Variants in ORC2 observed in about 807,000 individuals in gnomAD.
ORC2 encodes the protein origin recognition complex protein 2 homolog.
Under a neutral mutation model 77.7 loss-of-function variants are expected in ORC2, and 37 were observed. The observed-to-expected ratio is 0.48, with a 90% CI of 0.37 to 0.63. The LOEUF is 0.63. ORC2 is among the 20% of genes least tolerant of loss of function. The pLI is 0.00. For synonymous variants in ORC2, 201 were observed against 229.5 expected (o/e 0.88, Z 1.12); for missense variants, 557 against 661.9 (o/e 0.84, Z 1.74).
intron 11 of ORC2, among the ~76,000 whole-genome samples, chr2:200,929,248 G>T (rs1047381086): frequency 6.6e-6 from 1 of 152,186 alleles, no homozygotes; most frequent in Non-Finnish European, 1.5e-5. Flanking sequence ...ACCGTGCCCA[G>T]CCAAGAATGA....
At chr2:200,926,709 TG>T in intron 12 of ORC2, 58 bp downstream of exon 12, 2 of 1,555,856 alleles carry the variant, frequency 1.3e-6, no homozygotes, top group Non-Finnish European at 8.8e-7. Context: ...CTCATTTATG[TG>T]GGGGCTTGAA....
In ORC2 at chr2:200,931,434, G is replaced by A. The variant is rs2040937579; in HGVS notation, c.822C>T (p.Asn274=). The A allele has an allele frequency of 1.9e-6, 3 of 1,551,412 alleles. No individual in the cohort carries two copies. Among genetic ancestry groups the A allele is most frequent in the Admixed American group, 2.1e-5 (1 of 48,116 alleles). ...RAKLDQQTLR[N]LLSKVSPSFS... ...AGGAAGGGGAAACCTTGCTCAATAA[G>A]TTACGCAAAGTTTGCTTTAAAAAAA... Residue 274 remains asparagine, a synonymous_variant, in exon 11 of 18, where the codon AAC becomes AAT. Transcript: ENST00000234296.
intron 5 of ORC2, among the ~76,000 whole-genome samples, chr2:200,947,615 T>C (rs1186134688): frequency 6.6e-6 from 1 of 152,256 alleles, no homozygotes; most frequent in African/African-American, 2.4e-5. Flanking sequence ...TTCCAAACTT[T>C]GTATTTATAT....
At chr2:200,937,381 TGAAAA>T (rs1163012740) in intron 8 of ORC2, among the ~76,000 whole-genome samples, 2 of 152,138 alleles carry the variant, frequency 1.3e-5, no homozygotes, top group Non-Finnish European at 2.9e-5. Context: ...ATCCATACCT[TGAAAA>T]GAAAGGGCTA....
intron 1 of ORC2, among the ~76,000 whole-genome samples, chr2:200,959,921 G>C (rs1275777022): frequency 6.6e-6 from 1 of 152,042 alleles, no homozygotes; most frequent in Non-Finnish European, 1.5e-5. Context: ...AATTAGCTGG[G>C]CGTAGTGGCA....
At chr2:200,939,427 A>T (rs1432930788) in intron 7 of ORC2, among the ~76,000 whole-genome samples, 1 of 152,192 alleles carries the variant, frequency 6.6e-6, no homozygotes, top group African/African-American at 2.4e-5. Context: ...CATTTCTGCA[A>T]ACTAATCTCT....
At chr2:200,939,202 A>G (rs1292579127) in intron 7 of ORC2, among the ~76,000 whole-genome samples, 1 of 152,180 alleles carries the variant, frequency 6.6e-6, no homozygotes, top group Non-Finnish European at 1.5e-5. Flanking sequence ...AAAAATTATA[A>G]AACAGAAATT....
intron 12 of ORC2, 77 bp downstream of exon 12, chr2:200,926,691 A>C: frequency 6.9e-7 from 1 of 1,456,626 alleles, no homozygotes; most frequent in South Asian, 1.2e-5. Context: ...ATTCTTTAAT[A>C]CTCCATCCTC....
intron 7 of ORC2, among the ~76,000 whole-genome samples, chr2:200,940,752 A>C (rs980343871): frequency 6.6e-6 from 1 of 152,174 alleles, no homozygotes; most frequent in Admixed American, 6.5e-5. Flanking sequence ...CAGTGAGCCG[A>C]GACCACGCCA....
At chr2:200,917,169 AT>A (rs2040671720) in intron 15 of ORC2, among the ~76,000 whole-genome samples, 1 of 149,902 alleles carries the variant, frequency 6.7e-6, no homozygotes, top group Non-Finnish European at 1.5e-5. Flanking sequence ...TGATTTTTTA[AT>A]TTTTAGTAGA....
intron 5 of ORC2, among the ~76,000 whole-genome samples, chr2:200,943,382 T>C (rs916158414): frequency 1.3e-5 from 2 of 152,144 alleles, no homozygotes; most frequent in Admixed American, 6.5e-5. Flanking sequence ...TCTCGCTTTT[T>C]TTTTCTAAAG....
intron 5 of ORC2, among the ~76,000 whole-genome samples, chr2:200,944,918 A>AG (rs2041224839): frequency 6.6e-6 from 1 of 152,176 alleles, no homozygotes; most frequent in South Asian, 2.1e-4. Flanking sequence ...TCTTTATGTC[A>AG]GGGGTCAGCA....
At chr2:200,914,608 G>C (rs1166818266) in intron 15 of ORC2, among the ~76,000 whole-genome samples, 1 of 152,032 alleles carries the variant, frequency 6.6e-6, no homozygotes, top group African/African-American at 2.4e-5. Context: ...GTGAGACTCT[G>C]TCTCTATAAA....
At chr2:200,957,744 G>C (rs539770812) in intron 3 of ORC2, among the ~76,000 whole-genome samples, 200 bp from the exon 4 acceptor site, 7 of 151,062 alleles carry the variant, frequency 4.6e-5, no homozygotes, top group African/African-American at 1.7e-4. Context: ...AATCTTGAAA[G>C]TATATATTTT....
chr2:200,920,248 G>T lies in ORC2; in HGVS notation c.1440C>A (p.Val480=). The change falls in exon 15 of 18, where the codon GTC becomes GTA. Residue 480 remains valine (V), a synonymous_variant. Coordinates refer to ENST00000234296, the MANE Select transcript of ORC2 (RefSeq NM_006190.5). ...TTGCATTAGGGGTAAGGCTTCGTAAGACATGAGTAAGGGAGCTAAGTGGCA... is the reference window on the plus strand; with the variant it reads ...TTGCATTAGGGGTAAGGCTTCGTAATACATGAGTAAGGGAGCTAAGTGGCA... The part of the protein sequence containing the change: ...GSLPLSSLTH[V]LRSLTPNARG... The T allele has an allele frequency of 6.2e-7, 1 of 1,613,310 alleles. No individual in the cohort carries two copies. The highest frequency in any genetic ancestry group is 1.1e-5 in the South Asian group (1 of 91,026).
In ORC2 at chr2:200,958,063, C is replaced by A. The variant is rs2041504072; in HGVS notation, c.61G>T (p.Asp21Tyr). 3 of 1,611,044 alleles carry A rather than the reference C, an allele frequency of 1.9e-6. No homozygotes were observed. Among genetic ancestry groups the A allele is most frequent in the Non-Finnish European group, 2.5e-6 (3 of 1,177,686 alleles). ...MLEVHFVGDDDVLNHILDREG... is the reference protein window; with the variant it reads ...MLEVHFVGDDYVLNHILDREG... ...CTATCTAGAATGTGATTAAGAACATCATCATCTCCCACAAAGTGAACCTCC... is the reference window on the plus strand; with the variant it reads ...CTATCTAGAATGTGATTAAGAACATAATCATCTCCCACAAAGTGAACCTCC... The change falls in exon 3 of 18, where the codon GAT becomes TAT. Residue 21 changes from aspartate to tyrosine, a missense_variant. Asp to Tyr is a radical substitution (Grantham distance 160, BLOSUM62 -3). Coordinates refer to ENST00000234296, the MANE Select transcript of ORC2 (RefSeq NM_006190.5).
In ORC2 at chr2:200,963,488, A is replaced by G. The variant is rs976993605; in HGVS notation, c.-60+2T>C. The G allele has an allele frequency of 7.5e-6, 3 of 398,346 alleles. No individual in the cohort carries two copies. The highest frequency in any genetic ancestry group is 6.2e-5 in the African/African-American group (3 of 48,588). The allele number at this position is 398,346 out of a possible 1,614,324, so 24.7% of individuals were successfully genotyped here. Reference sequence around the variant, plus strand: ...AGGCTGCCCCGACACCCCACTACTCACCGCTAGGTTTCCGTCTGGCGCCGA... The same window carrying G: ...AGGCTGCCCCGACACCCCACTACTCGCCGCTAGGTTTCCGTCTGGCGCCGA... On this transcript the variant is annotated splice_donor_variant, in intron 1 of 17. Coordinates refer to ENST00000234296, the MANE Select transcript of ORC2 (RefSeq NM_006190.5). LOFTEE classifies it low-confidence loss of function (5UTR_SPLICE).
At chr2:200,949,455 C>G (rs989539045) in intron 5 of ORC2, 99 bp downstream of exon 5, 2 of 676,050 alleles carry the variant, frequency 3.0e-6, no homozygotes, top group Non-Finnish European at 5.2e-6. Flanking sequence ...TCTCTTCATT[C>G]TTTTAGGAAA....
intron 7 of ORC2, 101 bp downstream of exon 7, chr2:200,941,147 A>G (rs2041144732): frequency 2.3e-6 from 2 of 880,632 alleles, no homozygotes; most frequent in African/African-American, 1.7e-5. Flanking sequence ...ACAAAGCACT[A>G]TATAAATTAA....
Sources: gnomAD v4.1 joint callset for allele counts (sites outside exome capture counted in the v4.1 genomes callset) on GRCh38, gnomAD v4.1.1 for gene constraint, MANE v1.5 for transcripts, NCBI Gene and HGNC (gene_info 2026-07-23, HGNC 2026-07-21) for gene names.